The following CPD variants were observed in gnomAD, a reference collection of about 807,000 sequenced individuals.
The protein encoded by CPD is metallocarboxypeptidase D.
Under a neutral mutation model 138.3 loss-of-function variants are expected in CPD, and 69 were observed. The observed-to-expected ratio is 0.50, with a 90% CI of 0.41 to 0.61. The LOEUF is 0.61. CPD is among the 20% of genes least tolerant of loss of function. The pLI, the probability that CPD is intolerant of heterozygous loss-of-function variation, is 0.00. For synonymous variants in CPD, 651 were observed against 642.1 expected (o/e 1.01, Z -0.21); for missense variants, 1,432 against 1,733.3 (o/e 0.83, Z 3.09).
intron 4 of CPD, 51 bp downstream of exon 4, chr17:30,421,884 T>C: frequency 7.2e-7 from 1 of 1,384,214 alleles, no homozygotes; most frequent in Non-Finnish European, 1.0e-6. Flanking sequence ...AGTCTCTGTT[T>C]TATATCTGAG....
chr17:30,432,427 C>G (rs926295542), intron 8 of CPD, among the ~76,000 whole-genome samples: 2 of 152,108 alleles, frequency 1.3e-5, no homozygotes, highest in Non-Finnish European at 2.9e-5. Flanking sequence ...GAAATATTTG[C>G]TTTCTGGTTT....
intron 2 of CPD, among the ~76,000 whole-genome samples, chr17:30,413,484 G>C (rs541301900): frequency 3.0e-4 from 45 of 152,322 alleles, no homozygotes; most frequent in African/African-American, 1.0e-3. Context: ...GTCAAAGTCT[G>C]TTTGACATCC....
intron 2 of CPD, among the ~76,000 whole-genome samples, chr17:30,405,994 T>C (rs1197050471): frequency 6.6e-6 from 1 of 152,094 alleles, no homozygotes; most frequent in Non-Finnish European, 1.5e-5. Flanking sequence ...ATGCATTTTA[T>C]TATACTTCAT....
intron 2 of CPD, 89 bp from the exon 3 acceptor site, chr17:30,420,752 T>C: frequency 8.1e-7 from 1 of 1,228,712 alleles, no homozygotes; most frequent in Non-Finnish European, 1.1e-6. Flanking sequence ...AATTTATACA[T>C]CCAGAGATGG....
intron 14 of CPD, chr17:30,454,644 C>T (rs1158676754): frequency 1.3e-5 from 2 of 153,164 alleles, no homozygotes; most frequent in African/African-American, 4.8e-5. Flanking sequence ...CAACACCTGG[C>T]TCTATTGGTA....
intron 1 of CPD, among the ~76,000 whole-genome samples, chr17:30,382,035 C>T (rs932885487): frequency 1.3e-5 from 2 of 152,080 alleles, no homozygotes; most frequent in African/African-American, 4.8e-5. Context: ...TTATAGTTGA[C>T]CGCTATGCTT....
chr17:30,379,793 A>T lies in CPD; in HGVS notation c.746+67A>T. Reference sequence around the variant, plus strand: ...AGGGCCGAGGCTGGTTCCGGCACCCAGTAGGCGCTCAGACAATGCTGGCAT... The same window carrying T: ...AGGGCCGAGGCTGGTTCCGGCACCCTGTAGGCGCTCAGACAATGCTGGCAT... On this transcript the variant is annotated intron_variant, in intron 1 of 20. Transcript: ENST00000225719. This position sits in a 1 kb window ranked among gnomAD's most constrained non-coding sequence, Gnocchi z 7.0. The T allele has an allele frequency of 8.6e-7, 1 of 1,157,366 alleles. No individual in the cohort carries two copies. The highest frequency in any genetic ancestry group is 1.1e-6 in the Non-Finnish European group (1 of 877,482). 71.7% of individuals were successfully genotyped at this position (1,157,366 alleles called of 1,614,324 possible).
Position 30,438,922 on chromosome 17 carries a change from T to C in CPD, c.2128-53T>C, listed in dbSNP as rs537604341. On this transcript the variant is annotated intron_variant, in intron 8 of 20. Coordinates refer to ENST00000225719, the MANE Select transcript of CPD (RefSeq NM_001304.5). ...TTTTCCTGTATCTTTCCAGTATTTT[T>C]TTTTGATGGAGATACAAACAAATAG... 3.7e-5 allele frequency: 42 copies of C among 1,124,188 alleles called. No individual in the cohort carries two copies. The Middle Eastern group carries it at 1.0e-3, about 28-fold the overall frequency. The allele number at this position is 1,124,188 out of a possible 1,614,324, so 69.6% of individuals were successfully genotyped here.
chr17:30,437,470 A>G (rs62068726), intron 8 of CPD, among the ~76,000 whole-genome samples: 6,349 of 152,208 alleles, frequency 0.042, 180 homozygotes, highest in Non-Finnish European at 0.065. Flanking sequence ...AGATTCGTTG[A>G]GCCCAGGAGT....
At chr17:30,392,727 A>G (rs1911393446) in intron 2 of CPD, among the ~76,000 whole-genome samples, 1 of 152,204 alleles carries the variant, frequency 6.6e-6, no homozygotes, top group South Asian at 2.1e-4. Context: ...AACACCTTAC[A>G]AGTTGTGTGT....
At position 30,444,032 on chromosome 17, in the gene CPD, G is replaced by A. The variant is rs562599500; in HGVS notation, c.2543+61G>A. ...AGGACAAACATGGCTCCATTCTGGA[G>A]GATTATTACTAGAACGTTCTAGAGA... On this transcript the variant is annotated intron_variant, in intron 11 of 20. Transcript: ENST00000225719. The A allele has an allele frequency of 8.7e-5, 136 of 1,561,646 alleles. No individual in the cohort carries two copies. The South Asian group carries it at 1.2e-3, about 13-fold the overall frequency.
In CPD at chr17:30,409,216, C is replaced by T. The variant is rs778148550; in HGVS notation, c.995-11625C>T. 7.0e-4 allele frequency among the ~76,000 whole-genome samples: 107 copies of T among 152,238 alleles called. 1 individual carries two copies. The highest frequency in any genetic ancestry group is 4.9e-4 in the Non-Finnish European group (33 of 68,026). On this transcript the variant is annotated intron_variant, in intron 2 of 20. Transcript: ENST00000225719. Reference sequence around the variant, plus strand: ...ATCCCAGGGATGAAGCTGACTTGATCGTGGTGGATAAGCTTTTTGATGTGC... The same window carrying T: ...ATCCCAGGGATGAAGCTGACTTGATTGTGGTGGATAAGCTTTTTGATGTGC...
At chr17:30,405,387 A>G (rs1222101248) in intron 2 of CPD, among the ~76,000 whole-genome samples, 1 of 152,184 alleles carries the variant, frequency 6.6e-6, no homozygotes. Context: ...GAACAAAAGG[A>G]AAGGCAGCTT....
chr17:30,412,471 C>T (rs141967334), intron 2 of CPD, among the ~76,000 whole-genome samples: 1 of 152,290 alleles, frequency 6.6e-6, no homozygotes, highest in East Asian at 1.9e-4. Context: ...TTCAGCTATG[C>T]CCTGCCCACA....
intron 11 of CPD, among the ~76,000 whole-genome samples, chr17:30,444,912 G>T (rs1394331038): frequency 6.6e-6 from 1 of 151,980 alleles, no homozygotes. Context: ...GTCCGTAAAT[G>T]AATGGGTTAG....
rs1156559482 is a variant in CPD, at chr17:30,467,716, T to TTC, written c.*2902_*2903insTC. ...ATGTCTGAGCTTATTGTGTTTGAGC[T>TTC]AACACCAGGTTACTCAGTAACCATG... On this transcript the variant is annotated 3_prime_UTR_variant, in exon 21 of 21. Transcript: ENST00000225719. 5 of 152,196 alleles carry TTC rather than the reference T, an allele frequency of 3.3e-5. No individual in the cohort carries two copies. The highest frequency in any genetic ancestry group is 3.2e-3 in the Middle Eastern group (1 of 316). The allele number at this position is 152,196 out of a possible 1,614,324, so 9.4% of individuals were successfully genotyped here. A position where few individuals can be genotyped will look rare whatever the true frequency, so the allele number is the denominator to read the frequency against.
intron 2 of CPD, among the ~76,000 whole-genome samples, chr17:30,404,092 C>T (rs1439033611): frequency 2.6e-5 from 4 of 151,930 alleles, no homozygotes; most frequent in Admixed American, 2.6e-4. Context: ...TAATGGTAAC[C>T]CAGGGTCTGG....
chr17:30,424,197 T>A (rs972123142), intron 6 of CPD, among the ~76,000 whole-genome samples: 2 of 152,082 alleles, frequency 1.3e-5, no homozygotes, highest in African/African-American at 4.8e-5. Context: ...CGGGCGAGGG[T>A]TGAAAGATTT....
chr17:30,379,532 C>G lies in CPD; in HGVS notation c.552C>G (p.Pro184=). The G allele has an allele frequency of 6.4e-7, 1 of 1,562,886 alleles. No homozygotes were observed. The highest frequency in any genetic ancestry group is 8.6e-7 in the Non-Finnish European group (1 of 1,161,080). Residue 184 remains proline, a synonymous_variant, in exon 1 of 21, where the codon CCC becomes CCG. Coordinates refer to ENST00000225719, the MANE Select transcript of CPD (RefSeq NM_001304.5). The surrounding 1 kb of genome is among the most constrained non-coding windows in gnomAD (Gnocchi z 7.0). ...TDVYLLPSLN[P]DGFERAREGD... ...TGTACCTGCTGCCCAGCCTCAACCC[C>G]GATGGCTTCGAGCGTGCCCGCGAGG...
Sources: gnomAD v4.1 joint callset for allele counts (sites outside exome capture counted in the v4.1 genomes callset) on GRCh38, gnomAD v4.1.1 for gene constraint, Gnocchi (gnomAD v3.1) non-coding constraint, MANE v1.5 for transcripts, NCBI Gene and HGNC (gene_info 2026-07-23, HGNC 2026-07-21) for gene names.